Variants in SVOPL observed in about 807,000 individuals in gnomAD.
SVOPL encodes putative transporter SVOPL.
SVOPL carries 60 observed loss-of-function variants against 61.0 expected under a neutral mutation model. The ratio of observed to expected loss-of-function variants is 0.98; its 90% CI spans 0.80 to 1.22. The LOEUF (loss-of-function observed/expected upper bound fraction) is 1.22. SVOPL is among the 50% of genes most tolerant of loss of function. SVOPL has a pLI of 0.00. For missense variants in SVOPL, 662 were observed against 643.9 expected (o/e 1.03, Z -0.30); for synonymous variants, 279 against 250.0 (o/e 1.12, Z -1.09).
At chr7:138,664,201 A>G (rs899623437) in intron 4 of SVOPL, 1 of 241,324 alleles carries the variant, frequency 4.1e-6, no homozygotes, top group Non-Finnish European at 4.8e-6. Flanking sequence ...CCCCTCCCCC[A>G]CCTTCTACCT....
At chr7:138,627,292 C>A (rs1799934094) in intron 12 of SVOPL, 58 bp downstream of exon 12, 1 of 1,306,582 alleles carries the variant, frequency 7.7e-7, no homozygotes, top group Non-Finnish European at 1.1e-6. Context: ...CACCATGGGT[C>A]AGGAGACTCC....
At chr7:138,625,566 C>T (rs1231239728) in intron 13 of SVOPL, among the ~76,000 whole-genome samples, 1 of 152,064 alleles carries the variant, frequency 6.6e-6, no homozygotes, top group African/African-American at 2.4e-5. Flanking sequence ...TAAATTTAAG[C>T]TACATGCAGC....
At chr7:138,611,178 G>T (rs1332192259) in intron 14 of SVOPL, among the ~76,000 whole-genome samples, 1 of 152,214 alleles carries the variant, frequency 6.6e-6, no homozygotes, top group Non-Finnish European at 1.5e-5. Flanking sequence ...AGGAGTTTTA[G>T]ACCAGCCCTG....
chr7:138,630,988 A>G (rs1301492165), intron 9 of SVOPL, among the ~76,000 whole-genome samples: 1 of 150,974 alleles, frequency 6.6e-6, no homozygotes, highest in Admixed American at 6.6e-5. Context: ...GAGTTACATG[A>G]TGGCACAGAA....
chr7:138,664,389 GGCAC>G lies in SVOPL; in HGVS notation c.274-1248_274-1245del, dbSNP rs532219492. On this transcript the variant is annotated intron_variant, in intron 4 of 15. Transcript: ENST00000674285. ...CTCCAACGCCCCTAATCCTCCATCG[GGCAC>G]GCCTCTGACCCATTGGGCGCGTGCC... Among the ~76,000 whole-genome samples the G allele has an allele frequency of 5.8e-4, 86 of 148,526 alleles. 2 individuals are homozygous for G. In the South Asian group the frequency reaches 0.018, roughly 32 times the overall value.
At chr7:138,632,026 C>T (rs1418452238) in intron 9 of SVOPL, among the ~76,000 whole-genome samples, 1 of 150,996 alleles carries the variant, frequency 6.6e-6, no homozygotes, top group Non-Finnish European at 1.5e-5. Flanking sequence ...AGCATCTGGG[C>T]TCTGTTTTTT....
chr7:138,641,838 T>TATATAAC lies in SVOPL; in HGVS notation c.789+2878_789+2879insGTTATAT, dbSNP rs1554464944. Among the ~76,000 whole-genome samples the TATATAAC allele has an allele frequency of 9.5e-4, 126 of 132,972 alleles. No individual in the cohort carries two copies. The East Asian group carries it at 0.01, about 11-fold the overall frequency. 87.2% of individuals were successfully genotyped at this position (132,972 alleles called of 152,430 possible). Reference sequence around the variant, plus strand: ...GTTATATATATATATATATATAACATATATATATAACATATATATAGTCAA... The same window carrying TATATAAC: ...GTTATATATATATATATATATAACATATATAACATATATATAACATATATATAGTCAA... On this transcript the variant is annotated intron_variant, in intron 9 of 15. Coordinates refer to ENST00000674285, the MANE Select transcript of SVOPL (RefSeq NM_001139456.2).
intron 13 of SVOPL, among the ~76,000 whole-genome samples, chr7:138,625,726 G>A (rs1799860616): frequency 6.6e-6 from 1 of 152,148 alleles, no homozygotes; most frequent in Admixed American, 6.6e-5. Context: ...GCAAGGAGGT[G>A]TTTTTTACAT....
intron 3 of SVOPL, among the ~76,000 whole-genome samples, chr7:138,672,904 CA>C (rs71179720): frequency 0.44 from 45,834 of 103,548 alleles, 6,884 homozygotes; most frequent in Middle Eastern, 0.53. Context: ...GTTTGTCTCT[CA>C]AAAAAAAAAA....
intron 4 of SVOPL, among the ~76,000 whole-genome samples, chr7:138,668,541 G>T (rs1209344648): frequency 6.6e-6 from 1 of 152,124 alleles, no homozygotes; most frequent in Non-Finnish European, 1.5e-5. Context: ...TAGATGTGCT[G>T]CTGTGATTGG....
chr7:138,612,447 T>TAAAAAAAAAAAAAAA (rs59229265), intron 14 of SVOPL, among the ~76,000 whole-genome samples: 5 of 22,292 alleles, frequency 2.2e-4, no homozygotes, highest in Non-Finnish European at 4.6e-4. Context: ...AAAAAAAAAA[T>TAAAAAAAAAAAAAAA]AAAAAAAAAA....
rs541269512 is a variant in SVOPL at position 138,689,344 on chromosome 7, C to T, written c.-34-10265G>A. On this transcript the variant is annotated intron_variant, in intron 1 of 15. Coordinates refer to ENST00000674285, the MANE Select transcript of SVOPL (RefSeq NM_001139456.2). ...ATTGAGCATATCCAAGTGAACAAAG[C>T]ACCTAAGATGCGCCGCCGGATCGAC... 327 of 1,591,124 alleles carry T rather than the reference C, an allele frequency of 2.1e-4. 6 individuals are homozygous for T. The South Asian group carries it at 3.5e-3, about 17-fold the overall frequency.
chr7:138,696,727 C>T (rs1803072805), intron 1 of SVOPL, among the ~76,000 whole-genome samples: 3 of 152,054 alleles, frequency 2.0e-5, no homozygotes, highest in African/African-American at 7.2e-5. Flanking sequence ...CCCTGGTCTG[C>T]CCGGCTAATT....
chr7:138,663,066 C>T lies in SVOPL; in HGVS notation c.345+8G>A, dbSNP rs1802068112. On this transcript the variant is annotated splice_region_variant and intron_variant, in intron 5 of 15. Coordinates refer to ENST00000674285, the MANE Select transcript of SVOPL (RefSeq NM_001139456.2). ...CAATTCCAAATGCTACTGTGAGGCC[C>T]CACCTACCTTCCAGCGGCCATATCT... The T allele has an allele frequency of 6.2e-7, 1 of 1,614,112 alleles. No homozygotes were observed.
chr7:138,678,963 C>A lies in SVOPL; in HGVS notation c.82+1G>T. On this transcript the variant is annotated splice_donor_variant, in intron 2 of 15. Coordinates refer to ENST00000674285, the MANE Select transcript of SVOPL (RefSeq NM_001139456.2). LOFTEE classifies it high-confidence loss of function. ...GCTGGAGACTTCTATGATAATCTCA[C>A]CTTTAACCTGTGGCTCTGCGGTCCC... is the stretch of plus-strand genomic sequence containing the variant. 6.4e-7 allele frequency: 1 copy of A among 1,551,458 alleles called. No individual in the cohort carries two copies. Among genetic ancestry groups the A allele is most frequent in the Non-Finnish European group, 8.7e-7 (1 of 1,146,834 alleles).
intron 1 of SVOPL, chr7:138,689,377 A>T (rs1802889398): frequency 1.3e-6 from 2 of 1,569,000 alleles, no homozygotes; most frequent in African/African-American, 2.7e-5. Flanking sequence ...GACAGAGCTT[A>T]TGGTCGGATT....
intron 5 of SVOPL, chr7:138,661,305 C>T (rs1019591346): frequency 1.4e-5 from 14 of 985,210 alleles, no homozygotes; most frequent in African/African-American, 3.5e-5. Flanking sequence ...AAAGCTATAC[C>T]AACATGAGCA....
intron 4 of SVOPL, among the ~76,000 whole-genome samples, chr7:138,669,898 C>A (rs996548859): frequency 6.6e-6 from 1 of 152,102 alleles, no homozygotes; most frequent in African/African-American, 2.4e-5. Flanking sequence ...GGGAAGTTTT[C>A]CCTTGGCACT....
intron 5 of SVOPL, 136 bp from the exon 6 acceptor site, chr7:138,660,124 G>C: frequency 6.9e-7 from 1 of 1,452,594 alleles, no homozygotes. Flanking sequence ...CAAGCCCACT[G>C]GTCTTTCACA....
Sources: gnomAD v4.1 joint callset for allele counts (sites outside exome capture counted in the v4.1 genomes callset) on GRCh38, gnomAD v4.1.1 for gene constraint, MANE v1.5 for transcripts, NCBI Gene and HGNC (gene_info 2026-07-23, HGNC 2026-07-21) for gene names.